AUTS2: variants seen among roughly 807,000 people sequenced by gnomAD.
The protein encoded by AUTS2 is autism susceptibility gene 2 protein.
Under a neutral mutation model 112.4 loss-of-function variants are expected in AUTS2, and 17 were observed. That is an observed-to-expected ratio of 0.15 (90% CI 0.10 to 0.23). The LOEUF (loss-of-function observed/expected upper bound fraction) is 0.23. Among genes scored for constraint, AUTS2 ranks in the 10% least tolerant of loss-of-function variants. AUTS2 has a pLI of 1.00. For synonymous variants in AUTS2, 751 were observed against 702.7 expected (o/e 1.07, Z -1.09); for missense variants, 1,510 against 1,701.6 (o/e 0.89, Z 1.98).
At chr7:70,064,828 T>C (rs1370290782) in intron 2 of AUTS2, among the ~76,000 whole-genome samples, 2 of 152,176 alleles carry the variant, frequency 1.3e-5, no homozygotes, top group African/African-American at 2.4e-5. Flanking sequence ...CAATGTGAAC[T>C]TCAGTCGTTT....
chr7:70,725,394 C>T (rs749347456), intron 6 of AUTS2, among the ~76,000 whole-genome samples: 36 of 152,082 alleles, frequency 2.4e-4, no homozygotes, highest in Non-Finnish European at 2.4e-4. Context: ...TTACAGTGGC[C>T]AGCCGTTAAT....
At chr7:69,810,185 A>G (rs769133048) in intron 1 of AUTS2, among the ~76,000 whole-genome samples, 2 of 152,092 alleles carry the variant, frequency 1.3e-5, no homozygotes, top group African/African-American at 4.8e-5. Context: ...TTTATGTGCC[A>G]CATAACAGCG....
At chr7:70,237,674 G>A (rs565603903) in intron 4 of AUTS2, among the ~76,000 whole-genome samples, 11 of 151,966 alleles carry the variant, frequency 7.2e-5, no homozygotes, top group Non-Finnish European at 1.0e-4. Context: ...TGAAATTCCC[G>A]TCAAATGTAT....
At position 70,114,418 on chromosome 7, in the gene AUTS2, A is replaced by C. The variant is rs1805249647; in HGVS notation, c.523-3714A>C. ...TTCTTGGTTGTAGGTAATAGCTGGG[A>C]ATTTCAGGTGAAGGATTACAACTTC... is the stretch of plus-strand genomic sequence containing the variant. On this transcript the variant is annotated intron_variant, in intron 2 of 18. Coordinates refer to ENST00000342771, the MANE Select transcript of AUTS2 (RefSeq NM_015570.4). Among the ~76,000 whole-genome samples, 3 of 141,398 alleles carry C rather than the reference A, an allele frequency of 2.1e-5. No individual in the cohort carries two copies. In the South Asian group the frequency reaches 6.9e-4, roughly 33 times the overall value. The allele number at this position is 141,398 out of a possible 152,430, so 92.8% of individuals were successfully genotyped here.
At chr7:70,168,216 A>C (rs747932723) in intron 4 of AUTS2, among the ~76,000 whole-genome samples, 6 of 152,164 alleles carry the variant, frequency 3.9e-5, no homozygotes, top group Non-Finnish European at 7.3e-5. Flanking sequence ...TTCAGATGTG[A>C]ATTGGTTCTT....
chr7:69,897,816 T>G (rs1455402162), intron 1 of AUTS2, among the ~76,000 whole-genome samples: 5 of 152,202 alleles, frequency 3.3e-5, no homozygotes, highest in Middle Eastern at 3.4e-3. Context: ...GCTCAAGGTC[T>G]CAGACTAATA....
At chr7:70,061,119 C>T (rs1802226034) in intron 2 of AUTS2, among the ~76,000 whole-genome samples, 1 of 152,170 alleles carries the variant, frequency 6.6e-6, no homozygotes, top group South Asian at 2.1e-4. Flanking sequence ...GATGGTCAAA[C>T]TAGGTGACCT....
At chr7:69,953,391 A>G (rs1017881365) in intron 2 of AUTS2, among the ~76,000 whole-genome samples, 7 of 152,158 alleles carry the variant, frequency 4.6e-5, no homozygotes, top group Non-Finnish European at 7.4e-5. Flanking sequence ...CTTTCCTTCT[A>G]TTCTCAGCAA....
At chr7:69,812,594 C>G (rs1018398896) in intron 1 of AUTS2, among the ~76,000 whole-genome samples, 1 of 152,160 alleles carries the variant, frequency 6.6e-6, no homozygotes. Context: ...CTCAGGGATG[C>G]CCTTGGTGCG....
intron 1 of AUTS2, among the ~76,000 whole-genome samples, chr7:69,645,900 A>G (rs767907904): frequency 1.3e-5 from 2 of 152,272 alleles, no homozygotes; most frequent in Non-Finnish European, 2.9e-5. Context: ...AGGAGACCCA[A>G]TGGACTAGAG....
At chr7:69,723,720 A>G (rs1234701017) in intron 1 of AUTS2, among the ~76,000 whole-genome samples, 1 of 152,188 alleles carries the variant, frequency 6.6e-6, no homozygotes, top group Non-Finnish European at 1.5e-5. Flanking sequence ...ATGTTTAACT[A>G]GTAGAAGTCA....
At chr7:70,341,278 C>T (rs1314570744) in intron 4 of AUTS2, among the ~76,000 whole-genome samples, 4 of 152,152 alleles carry the variant, frequency 2.6e-5, no homozygotes, top group Admixed American at 6.5e-5. Context: ...GCATTATTAA[C>T]GGACCGCAGC....
intron 1 of AUTS2, among the ~76,000 whole-genome samples, chr7:69,823,809 C>T (rs2129526641): frequency 6.6e-6 from 1 of 151,958 alleles, no homozygotes; most frequent in South Asian, 2.1e-4. Context: ...ACTCAGTTAC[C>T]CAGGGAAAAT....
intron 5 of AUTS2, among the ~76,000 whole-genome samples, chr7:70,678,449 A>G (rs1291816994): frequency 6.6e-6 from 1 of 152,218 alleles, no homozygotes; most frequent in East Asian, 1.9e-4. Context: ...AGCAAGACAC[A>G]TAAGCAACAA....
chr7:69,761,510 G>A (rs1008323870), intron 1 of AUTS2, among the ~76,000 whole-genome samples: 1 of 152,122 alleles, frequency 6.6e-6, no homozygotes, highest in African/African-American at 2.4e-5. Flanking sequence ...CGTTTTGTGA[G>A]ATCATCTTTC....
intron 5 of AUTS2, among the ~76,000 whole-genome samples, chr7:70,532,240 G>A (rs1160997177): frequency 6.6e-6 from 1 of 152,154 alleles, no homozygotes; most frequent in African/African-American, 2.4e-5. Flanking sequence ...TCACAAAACT[G>A]GCCCAGAGTT....
chr7:70,006,643 C>T (rs1260186399), intron 2 of AUTS2, among the ~76,000 whole-genome samples: 1 of 152,110 alleles, frequency 6.6e-6, no homozygotes, highest in East Asian at 1.9e-4. Flanking sequence ...TTTGATAATC[C>T]TCGCCCAACT....
chr7:69,999,371 C>T (rs1019597281), intron 2 of AUTS2, among the ~76,000 whole-genome samples: 1 of 152,116 alleles, frequency 6.6e-6, no homozygotes, highest in Admixed American at 6.6e-5. Context: ...GCTTCTGTTT[C>T]TGCTATCTTA....
At chr7:70,030,833 G>A (rs552042327) in intron 2 of AUTS2, among the ~76,000 whole-genome samples, 1 of 152,100 alleles carries the variant, frequency 6.6e-6, no homozygotes, top group South Asian at 2.1e-4. Flanking sequence ...TCCCTCAGGG[G>A]TCTTGAACTG....
Sources: allele counts gnomAD v4.1 joint callset (sites outside exome capture counted in the v4.1 genomes callset), GRCh38; gene constraint gnomAD v4.1.1; transcripts MANE v1.5; gene names NCBI Gene and HGNC (gene_info 2026-07-23, HGNC 2026-07-21).